TSPO: variants seen among roughly 807,000 people sequenced by gnomAD.
The protein encoded by TSPO is translocator protein.
In TSPO, 14 loss-of-function variants were observed where a neutral mutation model predicts 13.9. That is an observed-to-expected ratio of 1.01 (90% CI 0.67 to 1.58). The LOEUF is 1.58. TSPO is among the 40% of genes most tolerant of loss of function. TSPO has a pLI of 0.00. For missense variants in TSPO, 232 were observed against 229.6 expected (o/e 1.01, Z -0.07); for synonymous variants, 114 against 105.9 (o/e 1.08, Z -0.47).
At chr22:43,161,251 C>T in intron 3 of TSPO, 61 bp downstream of exon 3, 2 of 1,567,516 alleles carry the variant, frequency 1.3e-6, no homozygotes, top group Non-Finnish European at 1.7e-6. Context: ...GGACGTGGGG[C>T]ATCACATATG....
intron 1 of TSPO, among the ~76,000 whole-genome samples, chr22:43,155,472 A>G (rs1931222047): frequency 6.6e-6 from 1 of 151,912 alleles, no homozygotes; most frequent in Non-Finnish European, 1.5e-5. Flanking sequence ...GGGCATTTTC[A>G]CCTGTGGAGT....
chr22:43,153,481 A>G lies in TSPO; in HGVS notation c.-30+1877A>G, dbSNP rs1189584900. ...ATTCTCCTGCCTCAGCCTCCCGAGT[A>G]GCTGGGACTACAGGCGCCTGCCACC... is the stretch of plus-strand genomic sequence containing the variant. On this transcript the variant is annotated intron_variant, in intron 1 of 3. Transcript: ENST00000337554. 5.0e-5 allele frequency among the ~76,000 whole-genome samples: 4 copies of G among 80,252 alleles called. 2 individuals are homozygous for G. The highest frequency in any genetic ancestry group is 1.5e-4 in the African/African-American group (4 of 25,914). 52.6% of individuals were successfully genotyped at this position (80,252 alleles called of 152,430 possible).
intron 3 of TSPO, among the ~76,000 whole-genome samples, chr22:43,161,849 C>T (rs1313918997): frequency 2.0e-5 from 3 of 152,060 alleles, no homozygotes; most frequent in Admixed American, 1.3e-4. Context: ...GATGAAGACT[C>T]GCTGTGTTGC....
intron 3 of TSPO, among the ~76,000 whole-genome samples, chr22:43,161,656 TTTTGTA>T (rs1349570745): frequency 2.6e-5 from 4 of 151,332 alleles, no homozygotes; most frequent in African/African-American, 9.7e-5. Context: ...CCTGGCTAAT[TTTTGTA>T]TTTGTATTTG....
intron 3 of TSPO, among the ~76,000 whole-genome samples, chr22:43,162,536 C>T (rs1235716459): frequency 6.6e-6 from 1 of 152,160 alleles, no homozygotes; most frequent in Non-Finnish European, 1.5e-5. Context: ...AAGCCACCAC[C>T]GCACCCTTGA....
intron 3 of TSPO, 40 bp downstream of exon 3, chr22:43,161,230 C>A: frequency 6.3e-7 from 1 of 1,586,904 alleles, no homozygotes; most frequent in Non-Finnish European, 8.6e-7. Flanking sequence ...TCCCTGGATC[C>A]GACCCTTGGA....
At chr22:43,162,747 C>T in intron 3 of TSPO, 56 bp from the exon 4 acceptor site, 1 of 1,473,650 alleles carries the variant, frequency 6.8e-7, no homozygotes, top group Non-Finnish European at 9.1e-7. Context: ...GGGACAGGCA[C>T]TTGGGTGAAC....
chr22:43,153,085 T>TTTCC (rs929295383), intron 1 of TSPO, among the ~76,000 whole-genome samples: 2 of 123,896 alleles, frequency 1.6e-5, no homozygotes, highest in East Asian at 4.1e-4. Context: ...TCTTTCTTTC[T>TTTCC]TTCCTTCCTT....
chr22:43,161,331 C>T (rs1931431830), intron 3 of TSPO, 141 bp downstream of exon 3: 2 of 1,264,990 alleles, frequency 1.6e-6, no homozygotes, highest in Non-Finnish European at 2.1e-6. Flanking sequence ...TGTAAGCAGC[C>T]CACACCCTGG....
chr22:43,151,595 CT>C lies in TSPO; in HGVS notation c.-38del, dbSNP rs1931072745. On this transcript the variant is annotated 5_prime_UTR_variant, in exon 1 of 4. Transcript: ENST00000337554. ...GGCAGTGCCCTTCCCGGAGCGTGCCCTCGCCGCTGGTGAGTGAGGACGGGAC... is the reference window on the plus strand; with the variant it reads ...GGCAGTGCCCTTCCCGGAGCGTGCCCCGCCGCTGGTGAGTGAGGACGGGAC... 3.9e-5 allele frequency: 6 copies of C among 152,260 alleles called. No homozygotes were observed. Among genetic ancestry groups the C allele is most frequent in the Admixed American group, 3.9e-4 (6 of 15,288 alleles). The allele number at this position is 152,260 out of a possible 1,614,324, so 9.4% of individuals were successfully genotyped here. A position where few individuals can be genotyped will look rare whatever the true frequency, so the allele number is the denominator to read the frequency against.
intron 1 of TSPO, among the ~76,000 whole-genome samples, chr22:43,155,480 A>C (rs1255498639): frequency 6.6e-6 from 1 of 152,150 alleles, no homozygotes; most frequent in Non-Finnish European, 1.5e-5. Context: ...TCACCTGTGG[A>C]GTGTCCAGGG....
chr22:43,159,290 G>A lies in TSPO; in HGVS notation c.52G>A (p.Gly18Arg), dbSNP rs1228209392. The A allele has an allele frequency of 2.6e-6, 4 of 1,554,430 alleles. No homozygotes were observed. The highest frequency in any genetic ancestry group is 1.2e-5 in the South Asian group (1 of 84,266). Residue 18 changes from glycine (G) to arginine (R), a missense_variant, in exon 2 of 4, where the codon GGG (glycine) becomes AGG (arginine). Transcript: ENST00000337554. Reference sequence around the variant, plus strand: ...GGGCTTCACGCTGGCGCCCAGCCTGGGGTGCTTCGTGGGCTCCCGCTTTGT... The same window carrying A: ...GGGCTTCACGCTGGCGCCCAGCCTGAGGTGCTTCGTGGGCTCCCGCTTTGT... ...AMGFTLAPSL[G>R]CFVGSRFVHG... is the part of the protein sequence containing the mutation.
chr22:43,162,126 A>ATT lies in TSPO; in HGVS notation c.322-665_322-664dup, dbSNP rs34120993. Reference sequence around the variant, plus strand: ...GCACCATGTCCAGCTAATTTTCTGTATTTTTTTTTTTTTGAGACGGAGTCT... The same window carrying ATT: ...GCACCATGTCCAGCTAATTTTCTGTATTTTTTTTTTTTTTTGAGACGGAGTCT... On this transcript the variant is annotated intron_variant, in intron 3 of 3. Transcript: ENST00000337554. Among the ~76,000 whole-genome samples, 580 of 138,348 alleles carry ATT rather than the reference A, an allele frequency of 4.2e-3. 1 individual carries two copies. Among genetic ancestry groups the ATT allele is most frequent in the East Asian group, 9.6e-3 (45 of 4,710 alleles). The allele number at this position is 138,348 out of a possible 152,430, so 90.8% of individuals were successfully genotyped here.
At chr22:43,159,119 G>A in intron 1 of TSPO, 91 bp from the exon 2 acceptor site, 3 of 1,040,596 alleles carry the variant, frequency 2.9e-6, no homozygotes, top group South Asian at 3.8e-5. Flanking sequence ...TTGATCTGTG[G>A]GTGACAGGCC....
chr22:43,157,787 A>C (rs1427375081), intron 1 of TSPO, among the ~76,000 whole-genome samples: 2 of 152,234 alleles, frequency 1.3e-5, no homozygotes, highest in African/African-American at 4.8e-5. Context: ...CAGTGAGCTG[A>C]GATCGCGCCA....
At position 43,161,057 on chromosome 22, in the gene TSPO, G is replaced by A. The variant is rs139234976; in HGVS notation, c.188G>A (p.Gly63Asp). Reference sequence around the variant, plus strand: ...AACTGCGGCCTCTGTTTCAGGTACGGCTCCTACCTGGTCTGGAAAGAGCTG... The same window carrying A: ...AACTGCGGCCTCTGTTTCAGGTACGACTCCTACCTGGTCTGGAAAGAGCTG... The part of the protein sequence containing the change: ...WGTLYSAMGY[G>D]SYLVWKELGG... Residue 63 changes from glycine to aspartate, a missense_variant, in exon 3 of 4, where the codon GGC (glycine) becomes GAC (aspartate). Coordinates refer to ENST00000337554, the MANE Select transcript of TSPO (RefSeq NM_000714.6). The A allele has an allele frequency of 6.2e-7, 1 of 1,613,266 alleles. No homozygotes were observed. Among genetic ancestry groups the A allele is most frequent in the Non-Finnish European group, 8.5e-7 (1 of 1,179,666 alleles).
At chr22:43,152,892 G>C (rs73418011) in intron 1 of TSPO, among the ~76,000 whole-genome samples, 14,999 of 152,274 alleles carry the variant, frequency 0.099, 2,429 homozygotes, top group African/African-American at 0.34. Context: ...CGTGAGGCAG[G>C]ATGTCTGGCT....
In TSPO at chr22:43,160,949, G is replaced by A. The variant is rs1931415050; in HGVS notation, c.183-103G>A. The A allele has an allele frequency of 2.9e-6, 4 of 1,389,932 alleles. No homozygotes were observed. In the African/African-American group the frequency reaches 4.3e-5, roughly 15 times the overall value. The allele number at this position is 1,389,932 out of a possible 1,614,324, so 86.1% of individuals were successfully genotyped here. A position where few individuals can be genotyped will look rare whatever the true frequency, so the allele number is the denominator to read the frequency against. On this transcript the variant is annotated intron_variant, in intron 2 of 3. Coordinates refer to ENST00000337554, the MANE Select transcript of TSPO (RefSeq NM_000714.6). ...GCAACTTCCCTGAGATCACACAGCAGTCAGTGTCAGGTCACGTATGAACCA... is the reference window on the plus strand; with the variant it reads ...GCAACTTCCCTGAGATCACACAGCAATCAGTGTCAGGTCACGTATGAACCA...
chr22:43,161,166 C>A lies in TSPO; in HGVS notation c.297C>A (p.Phe99Leu). Residue 99 changes from phenylalanine (F) to leucine (L), a missense_variant, in exon 3 of 4, where the codon TTC (phenylalanine) becomes TTA (leucine). Physicochemically the swap from Phe to Leu is conservative, Grantham distance 22. Transcript: ENST00000337554. ...TGAACTGGGCATGGCCCCCCATCTT[C>A]TTTGGTGCCCGACAAATGGGCTGGG... The part of the protein sequence containing the change: ...LALNWAWPPI[F>L]FGARQMGWAL... 1 of 1,613,552 alleles carries A rather than the reference C, an allele frequency of 6.2e-7. No homozygotes were observed. The highest frequency in any genetic ancestry group is 8.5e-7 in the Non-Finnish European group (1 of 1,179,628).
Sources: gnomAD v4.1 joint callset for allele counts (sites outside exome capture counted in the v4.1 genomes callset) on GRCh38, gnomAD v4.1.1 for gene constraint, MANE v1.5 for transcripts, NCBI Gene and HGNC (gene_info 2026-07-23, HGNC 2026-07-21) for gene names.